Variants in ROBO1 observed in about 807,000 individuals in gnomAD.
The protein encoded by ROBO1 is roundabout guidance receptor 1.
A neutral mutation model predicts 195.9 loss-of-function variants in ROBO1; 149 were observed. That is an observed-to-expected ratio of 0.76 (90% CI 0.67 to 0.87). The LOEUF (loss-of-function observed/expected upper bound fraction) is 0.87, where lower values mean the gene tolerates loss of function less well. Ranked by LOEUF, ROBO1 falls within the 40% of genes least tolerant of loss-of-function variation. The pLI is 0.00. For missense variants in ROBO1, 1,933 were observed against 2,068.3 expected, an observed-to-expected ratio of 0.93 and a Z score of 1.27; for synonymous variants, 816 against 733.2, an observed-to-expected ratio of 1.11 and a Z score of -1.82.
At chr3:79,267,568 C>T (rs1328739349) in intron 2 of ROBO1, among the ~76,000 whole-genome samples, 6 of 148,384 alleles carry the variant, frequency 4.0e-5, no homozygotes, top group Middle Eastern at 3.4e-3. Context: ...TTTGTCACTT[C>T]ACTATTGAAT....
chr3:79,542,329 A>G (rs1338910028), intron 2 of ROBO1, among the ~76,000 whole-genome samples: 1 of 152,084 alleles, frequency 6.6e-6, no homozygotes, highest in Non-Finnish European at 1.5e-5. Context: ...ATTCTCTATT[A>G]TGGCAAATGT....
At chr3:78,623,210 C>T (rs58291956) in intron 26 of ROBO1, among the ~76,000 whole-genome samples, 33,548 of 151,986 alleles carry the variant, frequency 0.22, 3,988 homozygotes, top group Middle Eastern at 0.3. Flanking sequence ...TAGAGTGTTG[C>T]GGGAACACAT....
intron 1 of ROBO1, among the ~76,000 whole-genome samples, chr3:79,685,088 T>C (rs1947061363): frequency 1.3e-5 from 2 of 152,194 alleles, no homozygotes; most frequent in Admixed American, 1.3e-4. Flanking sequence ...GTATAGTGAC[T>C]TTCTAAACCA....
At chr3:78,668,767 G>T (rs917318527) in intron 11 of ROBO1, among the ~76,000 whole-genome samples, 1 of 152,076 alleles carries the variant, frequency 6.6e-6, no homozygotes, top group African/African-American at 2.4e-5. Flanking sequence ...GATTTTATAT[G>T]ATTGTTCTAA....
At chr3:78,643,126 A>G (rs6809232) in intron 21 of ROBO1, among the ~76,000 whole-genome samples, 27,724 of 152,136 alleles carry the variant, frequency 0.18, 3,113 homozygotes, top group East Asian at 0.47. Flanking sequence ...AGAGGCAATC[A>G]TATCCACCAG....
chr3:79,091,853 C>A (rs374605826), intron 3 of ROBO1, among the ~76,000 whole-genome samples: 18 of 151,956 alleles, frequency 1.2e-4, no homozygotes, highest in Middle Eastern at 3.4e-3. Context: ...GTGAAGAAAA[C>A]CAAGGGTAAA....
chr3:79,688,691 T>G (rs1011825681), intron 1 of ROBO1, among the ~76,000 whole-genome samples: 2 of 152,108 alleles, frequency 1.3e-5, no homozygotes, highest in African/African-American at 4.8e-5. Context: ...AGAATTTTAT[T>G]TGGATTAATT....
chr3:79,650,990 G>A (rs902176954), intron 1 of ROBO1, among the ~76,000 whole-genome samples: 1 of 151,720 alleles, frequency 6.6e-6, no homozygotes, highest in African/African-American at 2.4e-5. Context: ...CTGAAATTCT[G>A]GAATATGGAT....
intron 1 of ROBO1, among the ~76,000 whole-genome samples, chr3:79,627,082 C>T (rs1945202543): frequency 6.6e-6 from 1 of 152,088 alleles, no homozygotes; most frequent in Non-Finnish European, 1.5e-5. Context: ...CCCAAAGTCA[C>T]TTATAGATAG....
intron 5 of ROBO1, among the ~76,000 whole-genome samples, chr3:78,744,585 A>AT (rs1238262806): frequency 6.6e-6 from 1 of 152,138 alleles, no homozygotes; most frequent in Non-Finnish European, 1.5e-5. Context: ...ACCAACACTG[A>AT]TTTTTTACTC....
chr3:79,201,248 A>G (rs1483893615), intron 2 of ROBO1, among the ~76,000 whole-genome samples: 2 of 152,022 alleles, frequency 1.3e-5, no homozygotes, highest in Non-Finnish European at 2.9e-5. Flanking sequence ...GTGAACTACC[A>G]TAGTTCTCAT....
At chr3:78,958,757 ATAAT>A (rs2107815759) in intron 3 of ROBO1, among the ~76,000 whole-genome samples, 1 of 152,132 alleles carries the variant, frequency 6.6e-6, no homozygotes, top group African/African-American at 2.4e-5. Flanking sequence ...CCCAGTTTTA[ATAAT>A]TAAAGTTACC....
intron 5 of ROBO1, among the ~76,000 whole-genome samples, chr3:78,738,358 T>C (rs184277524): frequency 4.6e-5 from 7 of 152,202 alleles, no homozygotes; most frequent in Non-Finnish European, 1.0e-4. Flanking sequence ...TTTTACCTCG[T>C]CAGCATGGGA....
intron 4 of ROBO1, among the ~76,000 whole-genome samples, chr3:78,807,480 G>A (rs776775342): frequency 6.6e-6 from 1 of 152,130 alleles, no homozygotes; most frequent in Non-Finnish European, 1.5e-5. Flanking sequence ...TTCTTTTGGT[G>A]AAAAATGTTG....
chr3:79,196,889 G>C (rs900219878), intron 2 of ROBO1, among the ~76,000 whole-genome samples: 4 of 151,560 alleles, frequency 2.6e-5, no homozygotes, highest in African/African-American at 9.7e-5. Flanking sequence ...TTCAGATAAG[G>C]CTTTTCTCTC....
At chr3:79,217,729 G>A (rs1047143029) in intron 2 of ROBO1, among the ~76,000 whole-genome samples, 3 of 151,754 alleles carry the variant, frequency 2.0e-5, no homozygotes, top group Admixed American at 2.0e-4. Flanking sequence ...ATGAGGGAGG[G>A]TATCTTATTT....
chr3:79,663,205 A>G (rs1364997701), intron 1 of ROBO1, among the ~76,000 whole-genome samples: 1 of 152,092 alleles, frequency 6.6e-6, no homozygotes, highest in Non-Finnish European at 1.5e-5. Context: ...TCACTCTGAT[A>G]ACTATTGCAT....
intron 1 of ROBO1, among the ~76,000 whole-genome samples, chr3:79,598,482 T>C (rs1394970732): frequency 6.6e-6 from 1 of 152,068 alleles, no homozygotes; most frequent in East Asian, 1.9e-4. Flanking sequence ...CTTTAAAAAC[T>C]TTAAAAAGTA....
chr3:79,504,487 A>G (rs893289170), intron 2 of ROBO1, among the ~76,000 whole-genome samples: 2 of 152,196 alleles, frequency 1.3e-5, no homozygotes, highest in Non-Finnish European at 2.9e-5. Flanking sequence ...ATGAAAAATA[A>G]ATTGAAAGAT....
Sources: gnomAD v4.1 joint callset for allele counts (sites outside exome capture counted in the v4.1 genomes callset) on GRCh38, gnomAD v4.1.1 for gene constraint, MANE v1.5 for transcripts, NCBI Gene and HGNC (gene_info 2026-07-23, HGNC 2026-07-21) for gene names.